Variants in FRRS1 observed in about 807,000 individuals in gnomAD.
FRRS1 encodes ferric chelate reductase 1.
Under a neutral mutation model 70.7 loss-of-function variants are expected in FRRS1, and 51 were observed. The ratio of observed to expected loss-of-function variants is 0.72; its 90% CI spans 0.58 to 0.91. The LOEUF (loss-of-function observed/expected upper bound fraction) is 0.91. FRRS1 is among the 40% of genes least tolerant of loss of function. The probability of loss-of-function intolerance (pLI) is 0.00; values close to 1 mark genes in which losing one functional copy is unlikely to be tolerated. For synonymous variants in FRRS1, 225 were observed against 238.7 expected (o/e 0.94, Z 0.53); for missense variants, 672 against 726.0 (o/e 0.93, Z 0.86).
intron 5 of FRRS1, 76 bp from the exon 6 acceptor site, chr1:99,741,016 A>G (rs1360395643): frequency 6.7e-5 from 89 of 1,320,964 alleles, no homozygotes; most frequent in Non-Finnish European, 4.2e-6. Context: ...AAAGGAAAAA[A>G]AAAAGAAAGA....
At position 99,707,907 on chromosome 1, in the gene FRRS1, A is replaced by G. The variant is rs1483590216; in HGVS notation, c.*1121T>C. 6.6e-6 allele frequency among the ~76,000 whole-genome samples: 1 copy of G among 152,258 alleles called. No homozygotes were observed. Among genetic ancestry groups the G allele is most frequent in the Non-Finnish European group, 1.5e-5 (1 of 68,042 alleles). Reference sequence around the variant, plus strand: ...TATTATTTCTACAAGTAAACAGAATATCTATTAGATATGTTCACAAGGGTT... The same window carrying G: ...TATTATTTCTACAAGTAAACAGAATGTCTATTAGATATGTTCACAAGGGTT... On this transcript the variant is annotated 3_prime_UTR_variant, in exon 17 of 17. Transcript: ENST00000646001.
At position 99,705,712 on chromosome 1, in the gene FRRS1, T is replaced by C. The variant is rs1654019635; in HGVS notation, c.*3316A>G. On this transcript the variant is annotated 3_prime_UTR_variant, in exon 17 of 17. Coordinates refer to ENST00000646001, the MANE Select transcript of FRRS1 (RefSeq NM_001361041.2). ...TTACTTGATAACCCATACTATAGAC[T>C]ACCTTTGCCCTTAAGATTGATTTCT... 6.6e-6 allele frequency among the ~76,000 whole-genome samples: 1 copy of C among 152,236 alleles called. No individual in the cohort carries two copies. The highest frequency in any genetic ancestry group is 2.1e-4 in the South Asian group (1 of 4,832).
At chr1:99,730,730 G>A (rs537335823) in intron 7 of FRRS1, among the ~76,000 whole-genome samples, 1 of 152,136 alleles carries the variant, frequency 6.6e-6, no homozygotes, top group African/African-American at 2.4e-5. Flanking sequence ...AGCTGGGCAT[G>A]GTAGTGGGCG....
rs975370640 is a variant in FRRS1, at chr1:99,740,751, G to A, written c.576+42C>T. The A allele has an allele frequency of 6.4e-6, 9 of 1,411,258 alleles. 1 individual carries two copies. Among genetic ancestry groups the A allele is most frequent in the Non-Finnish European group, 9.0e-6 (9 of 996,782 alleles). The allele number at this position is 1,411,258 out of a possible 1,614,324, so 87.4% of individuals were successfully genotyped here. On this transcript the variant is annotated intron_variant, in intron 6 of 16. Transcript: ENST00000646001. Reference sequence around the variant, plus strand: ...GTTCGAGACCGGCCTGGGCAACATGGTGAAACCCCATCTCTACAGAGAAAA... The same window carrying A: ...GTTCGAGACCGGCCTGGGCAACATGATGAAACCCCATCTCTACAGAGAAAA...
Position 99,706,224 on chromosome 1 carries a change from C to CAAAA in FRRS1, c.*2800_*2803dup, listed in dbSNP as rs60761211. On this transcript the variant is annotated 3_prime_UTR_variant, in exon 17 of 17. Coordinates refer to ENST00000646001, the MANE Select transcript of FRRS1 (RefSeq NM_001361041.2). ...CAACAAAGGGAGATCCCTTCTCTAC[C>CAAAA]AAAAAAAAAAAAAAATTTTTTTTTA... is the stretch of plus-strand genomic sequence containing the variant. Among the ~76,000 whole-genome samples the CAAAA allele has an allele frequency of 5.0e-5, 7 of 139,488 alleles. No homozygotes were observed. The highest frequency in any genetic ancestry group is 1.8e-4 in the African/African-American group (7 of 38,660). The allele number at this position is 139,488 out of a possible 152,430, so 91.5% of individuals were successfully genotyped here.
chr1:99,729,516 G>C, intron 8 of FRRS1, 134 bp downstream of exon 8: 1 of 554,870 alleles, frequency 1.8e-6, no homozygotes, highest in Non-Finnish European at 3.3e-6. Context: ...GAGGAGCCCT[G>C]CTGGCAGGCC....
rs1655178291 is a variant in FRRS1, at chr1:99,728,524, G to C, written c.975C>G (p.Tyr325Ter). The change falls in exon 9 of 17, where the codon TAC becomes TAG. Residue 325 changes from tyrosine (Y) to a stop codon, truncating the protein, a stop_gained. Transcript: ENST00000646001. LOFTEE classifies it high-confidence loss of function. The part of the protein sequence containing the change: ...KNRFDLNTSY[Y>*]IFLADGAAND... Reference sequence around the variant, plus strand: ...TAGCTGCACCATCTGCTAGAAATATGTAATAGCTTGTGTTTAGATCAAATC... The same window carrying C: ...TAGCTGCACCATCTGCTAGAAATATCTAATAGCTTGTGTTTAGATCAAATC... The C allele has an allele frequency of 6.2e-7, 1 of 1,612,084 alleles. No homozygotes were observed. The highest frequency in any genetic ancestry group is 8.5e-7 in the Non-Finnish European group (1 of 1,178,336).
chr1:99,721,698 A>G (rs1654834873), intron 9 of FRRS1, among the ~76,000 whole-genome samples: 1 of 151,074 alleles, frequency 6.6e-6, no homozygotes, highest in Non-Finnish European at 1.5e-5. Context: ...GCTCAGGTTC[A>G]AGCCATTCTC....
Position 99,728,523 on chromosome 1 carries a change from T to C in FRRS1, c.976A>G (p.Ile326Val). 2 of 1,612,556 alleles carry C rather than the reference T, an allele frequency of 1.2e-6. No homozygotes were observed. The highest frequency in any genetic ancestry group is 1.7e-6 in the Non-Finnish European group (2 of 1,178,596). Reference protein sequence around the residue: ...NRFDLNTSYYIFLADGAANDG... With the variant: ...NRFDLNTSYYVFLADGAANDG... Reference sequence around the variant, plus strand: ...TTAGCTGCACCATCTGCTAGAAATATGTAATAGCTTGTGTTTAGATCAAAT... The same window carrying C: ...TTAGCTGCACCATCTGCTAGAAATACGTAATAGCTTGTGTTTAGATCAAAT... The change falls in exon 9 of 17, where the codon ATA becomes GTA. Residue 326 changes from isoleucine (I) to valine (V), a missense_variant. Physicochemically the swap from Ile to Val is conservative, Grantham distance 29 (BLOSUM62 3). Coordinates refer to ENST00000646001, the MANE Select transcript of FRRS1 (RefSeq NM_001361041.2).
At chr1:99,735,648 T>G (rs1461421458) in intron 7 of FRRS1, among the ~76,000 whole-genome samples, 1 of 152,250 alleles carries the variant, frequency 6.6e-6, no homozygotes, top group Admixed American at 6.5e-5. Context: ...GTAAATCAAC[T>G]GCACCTGCGT....
At chr1:99,740,089 C>T (rs1248796975) in intron 6 of FRRS1, among the ~76,000 whole-genome samples, 1 of 152,104 alleles carries the variant, frequency 6.6e-6, no homozygotes, top group Non-Finnish European at 1.5e-5. Flanking sequence ...ATATACAATT[C>T]CCTAGGACTC....
intron 4 of FRRS1, among the ~76,000 whole-genome samples, chr1:99,744,075 A>AAAAAAG (rs1553173617): frequency 0.013 from 2,019 of 150,266 alleles, 55 homozygotes; most frequent in African/African-American, 0.048. Context: ...AAAAAAAAAA[A>AAAAAAG]AAAGAAAGAA....
chr1:99,761,790 A>C (rs1026865121), intron 1 of FRRS1, among the ~76,000 whole-genome samples: 2 of 85,108 alleles, frequency 2.3e-5, no homozygotes, highest in Admixed American at 2.5e-4. Flanking sequence ...AGAGCTTATA[A>C]AAAAAAAAAT....
chr1:99,709,321 A>T (rs558323818), intron 15 of FRRS1, 62 bp from the exon 16 acceptor site: 283 of 1,210,370 alleles, frequency 2.3e-4, no homozygotes, highest in African/African-American at 2.2e-3. Flanking sequence ...TAAATTTTTT[A>T]AAAAAACCTG....
chr1:99,761,381 C>G (rs1341064793), intron 1 of FRRS1, among the ~76,000 whole-genome samples: 1 of 152,148 alleles, frequency 6.6e-6, no homozygotes, highest in African/African-American at 2.4e-5. Context: ...TCCCGCTTGG[C>G]CTCCCAAAGT....
At chr1:99,759,224 C>T (rs948308243) in intron 1 of FRRS1, among the ~76,000 whole-genome samples, 2 of 152,130 alleles carry the variant, frequency 1.3e-5, no homozygotes, top group Admixed American at 6.6e-5. Flanking sequence ...TTTTGAAACC[C>T]TTAATAAAAA....
chr1:99,728,562 C>A lies in FRRS1; in HGVS notation c.937G>T (p.Gly313Ter). The A allele has an allele frequency of 3.1e-6, 5 of 1,613,270 alleles. No individual in the cohort carries two copies. Among genetic ancestry groups the A allele is most frequent in the African/African-American group, 1.3e-5 (1 of 75,004 alleles). Reference sequence around the variant, plus strand: ...TTTAGATCAAATCTATTCTTAACTCCAGGAAGGGTAATGTTTCTTCTGAAA... The same window carrying A: ...TTTAGATCAAATCTATTCTTAACTCAAGGAAGGGTAATGTTTCTTCTGAAA... ...CSFRRNITLP[G>*]VKNRFDLNTS... Residue 313 changes from glycine (G) to a stop codon, truncating the protein, a stop_gained, in exon 9 of 17, where the codon GGA becomes TGA. Transcript: ENST00000646001. LOFTEE classifies it high-confidence loss of function.
chr1:99,751,910 ATAATTATTTT>A (rs1656586839), intron 1 of FRRS1, among the ~76,000 whole-genome samples: 1 of 152,202 alleles, frequency 6.6e-6, no homozygotes, highest in Non-Finnish European at 1.5e-5. Context: ...AATAATACAT[ATAATTATTTT>A]TATATGTTTA....
chr1:99,727,548 C>T (rs1356547992), intron 9 of FRRS1, among the ~76,000 whole-genome samples: 1 of 152,206 alleles, frequency 6.6e-6, no homozygotes, highest in East Asian at 1.9e-4. Flanking sequence ...TTTTGGGAGT[C>T]TGCTTTACCA....
Sources: gnomAD v4.1 joint callset for allele counts (sites outside exome capture counted in the v4.1 genomes callset) on GRCh38, gnomAD v4.1.1 for gene constraint, MANE v1.5 for transcripts, NCBI Gene and HGNC (gene_info 2026-07-23, HGNC 2026-07-21) for gene names.